DIAPH2: variants seen among roughly 807,000 people sequenced by gnomAD.
The protein encoded by DIAPH2 is protein diaphanous homolog 2.
A neutral mutation model predicts 92.7 loss-of-function variants in DIAPH2; 35 were observed. The ratio of observed to expected loss-of-function variants is 0.38; its 90% CI spans 0.29 to 0.50. The LOEUF (loss-of-function observed/expected upper bound fraction) is 0.50. Ranked by LOEUF, DIAPH2 falls within the 20% of genes least tolerant of loss-of-function variation. The pLI is 0.94. For synonymous variants in DIAPH2, 301 were observed against 280.4 expected (o/e 1.07, Z -0.73); for missense variants, 701 against 819.5 (o/e 0.86, Z 1.77).
intron 24 of DIAPH2, among the ~76,000 whole-genome samples, chrX:97,366,294 C>T (rs1569374999): frequency 9.0e-6 from 1 of 111,678 alleles, no homozygotes; most frequent in Non-Finnish European, 1.9e-5. Flanking sequence ...TCTCTGCCAC[C>T]TTTTCAAGAT....
intron 25 of DIAPH2, among the ~76,000 whole-genome samples, chrX:97,392,332 A>C (rs960771419): frequency 8.9e-6 from 1 of 111,945 alleles, no homozygotes; most frequent in African/African-American, 3.2e-5. Context: ...ATGCTTCTTG[A>C]AGAATCTAGT....
intron 4 of DIAPH2, among the ~76,000 whole-genome samples, chrX:96,798,116 G>C (rs773083290): frequency 8.9e-6 from 1 of 112,362 alleles, no homozygotes; most frequent in African/African-American, 3.2e-5. Context: ...ACTGTATCTC[G>C]TTTGGGATTC....
intron 22 of DIAPH2, among the ~76,000 whole-genome samples, chrX:97,233,267 C>T (rs1387542072): frequency 8.9e-6 from 1 of 112,610 alleles, no homozygotes; most frequent in African/African-American, 3.2e-5. Flanking sequence ...TTATTCTCAG[C>T]AGGCAGTAGA....
intron 26 of DIAPH2, among the ~76,000 whole-genome samples, chrX:97,566,447 A>G (rs2071328177): frequency 3.6e-5 from 4 of 111,995 alleles, no homozygotes; most frequent in South Asian, 3.7e-4. Context: ...AGAATATCCA[A>G]TTCCAGAACA....
At chrX:96,969,182 C>T (rs185268139) in intron 17 of DIAPH2, among the ~76,000 whole-genome samples, 8 of 111,566 alleles carry the variant, frequency 7.2e-5, no homozygotes, top group South Asian at 3.7e-4. Flanking sequence ...TTCTGCTTTT[C>T]GCTTAGGATT....
chrX:96,983,015 A>G (rs1180188559), intron 17 of DIAPH2, among the ~76,000 whole-genome samples: 1 of 110,670 alleles, frequency 9.0e-6, no homozygotes, highest in East Asian at 2.8e-4. Context: ...GAAGACTTGC[A>G]ATCAGCCATA....
chrX:97,050,979 A>G (rs185282604), intron 17 of DIAPH2, among the ~76,000 whole-genome samples: 3 of 111,900 alleles, frequency 2.7e-5, no homozygotes, highest in Non-Finnish European at 5.7e-5. Flanking sequence ...AATACCTTAG[A>G]TACCATATAG....
At chrX:97,311,420 G>C (rs1203767452) in intron 23 of DIAPH2, among the ~76,000 whole-genome samples, 2 of 111,713 alleles carry the variant, frequency 1.8e-5, no homozygotes, top group Admixed American at 1.9e-4. Context: ...CAGTACACCA[G>C]AGTTTTATTA....
At chrX:97,351,671 C>T (rs1350785642) in intron 24 of DIAPH2, among the ~76,000 whole-genome samples, 4 of 110,788 alleles carry the variant, frequency 3.6e-5, no homozygotes, top group Non-Finnish European at 3.8e-5. Flanking sequence ...GGCGTGGTGG[C>T]GGGCGCCTGT....
intron 22 of DIAPH2, among the ~76,000 whole-genome samples, chrX:97,212,590 GTTTTTTTT>G (rs57173350): frequency 1.5e-5 from 1 of 67,842 alleles, no homozygotes; most frequent in Admixed American, 1.8e-4. Flanking sequence ...AGGGTTTTTT[GTTTTTTTT>G]TTTTTTTTTT....
At chrX:97,412,694 G>T (rs767811192) in intron 25 of DIAPH2, among the ~76,000 whole-genome samples, 1 of 110,913 alleles carries the variant, frequency 9.0e-6, no homozygotes, top group Admixed American at 9.6e-5. Context: ...AGAATCAAAT[G>T]GACACAATAA....
At chrX:97,175,330 T>C (rs997882675) in intron 22 of DIAPH2, among the ~76,000 whole-genome samples, 5 of 111,852 alleles carry the variant, frequency 4.5e-5, no homozygotes, top group Non-Finnish European at 7.5e-5. Context: ...TCAGCACTTA[T>C]GTAATGTCAC....
intron 23 of DIAPH2, among the ~76,000 whole-genome samples, chrX:97,258,726 C>A (rs771445284): frequency 5.9e-4 from 60 of 102,515 alleles, no homozygotes; most frequent in Middle Eastern, 5.4e-3. Context: ...AAAAAATTAG[C>A]CGGTCGTGGT....
chrX:97,503,196 T>C (rs1455055621), intron 26 of DIAPH2, among the ~76,000 whole-genome samples: 2 of 112,182 alleles, frequency 1.8e-5, no homozygotes, highest in Non-Finnish European at 3.8e-5. Context: ...GTGCTGAGGA[T>C]ACTGAGATAA....
intron 26 of DIAPH2, among the ~76,000 whole-genome samples, chrX:97,444,271 A>G (rs2070287702): frequency 1.0e-5 from 1 of 96,287 alleles, no homozygotes; most frequent in African/African-American, 3.7e-5. Context: ...AAGCAATACA[A>G]TACTCTCTGG....
chrX:97,589,010 T>TATATATATATATATAG (rs2071497898), intron 26 of DIAPH2, among the ~76,000 whole-genome samples: 1 of 73,397 alleles, frequency 1.4e-5, no homozygotes, highest in Admixed American at 1.7e-4. Flanking sequence ...TATATATATA[T>TATATATATATATATAG]ATATATATAT....
intron 19 of DIAPH2, among the ~76,000 whole-genome samples, chrX:97,081,170 A>G: frequency 8.9e-6 from 1 of 112,210 alleles, no homozygotes. Context: ...ATGGTGGAAT[A>G]ATTATGGCAT....
chrX:97,304,487 C>T (rs1833977507), intron 23 of DIAPH2, among the ~76,000 whole-genome samples: 1 of 112,208 alleles, frequency 8.9e-6, no homozygotes, highest in Admixed American at 9.5e-5. Flanking sequence ...TTACTGAGAA[C>T]AGAACAACAC....
intron 22 of DIAPH2, among the ~76,000 whole-genome samples, chrX:97,198,598 A>G (rs1227277499): frequency 9.0e-6 from 1 of 111,731 alleles, no homozygotes; most frequent in Non-Finnish European, 1.9e-5. Context: ...AGAATTACCA[A>G]CAATGCCTTA....
Sources: allele counts gnomAD v4.1 joint callset (sites outside exome capture counted in the v4.1 genomes callset), GRCh38; gene constraint gnomAD v4.1.1; transcripts MANE v1.5; gene names NCBI Gene and HGNC (gene_info 2026-07-23, HGNC 2026-07-21).